The following SCN11A variants were observed in gnomAD, a reference collection of about 807,000 sequenced individuals.
SCN11A encodes sodium voltage-gated channel alpha subunit 11.
A neutral mutation model predicts 162.2 loss-of-function variants in SCN11A; 122 were observed. That is an observed-to-expected ratio of 0.75 (90% CI 0.65 to 0.87). SCN11A has a LOEUF of 0.87. Ranked by LOEUF, SCN11A falls within the 40% of genes least tolerant of loss-of-function variation. The pLI is 0.00. For missense variants in SCN11A, 2,015 were observed against 2,181.6 expected, an observed-to-expected ratio of 0.92 and a Z score of 1.52; for synonymous variants, 758 against 751.5, an observed-to-expected ratio of 1.01 and a Z score of -0.14.
intron 26 of SCN11A, among the ~76,000 whole-genome samples, chr3:38,869,410 T>C (rs543628333): frequency 8.5e-5 from 13 of 152,094 alleles, no homozygotes; most frequent in South Asian, 2.1e-4. Flanking sequence ...TTATGTTGTA[T>C]ATATAATTAT....
At chr3:39,021,613 C>T (rs1423244436) in intron 2 of SCN11A, among the ~76,000 whole-genome samples, 1 of 152,022 alleles carries the variant, frequency 6.6e-6, no homozygotes, top group African/African-American at 2.4e-5. Context: ...GAATCTTAAC[C>T]GAAGTTTGGT....
At chr3:39,012,558 G>A (rs1441733922) in intron 2 of SCN11A, among the ~76,000 whole-genome samples, 2 of 144,538 alleles carry the variant, frequency 1.4e-5, no homozygotes, top group African/African-American at 5.2e-5. Flanking sequence ...TTGGCTCACT[G>A]AAGGCTCCAC....
At chr3:38,916,671 T>G (rs1346545387) in intron 11 of SCN11A, among the ~76,000 whole-genome samples, 1 of 152,106 alleles carries the variant, frequency 6.6e-6, no homozygotes, top group Non-Finnish European at 1.5e-5. Flanking sequence ...GCTGGGCTTC[T>G]TGTCAATCCC....
chr3:38,906,687 G>T (rs1433366901), intron 14 of SCN11A, among the ~76,000 whole-genome samples: 1 of 152,074 alleles, frequency 6.6e-6, no homozygotes, highest in East Asian at 1.9e-4. Context: ...CCTCTTAACT[G>T]GTCGCCTCCA....
At chr3:39,042,906 G>A (rs1042876306) in intron 1 of SCN11A, among the ~76,000 whole-genome samples, 19 of 132,256 alleles carry the variant, frequency 1.4e-4, no homozygotes, top group Non-Finnish European at 2.6e-4. Context: ...GCAGTGAGCC[G>A]AGATCATGCC....
In SCN11A at chr3:38,921,196, T is replaced by A; in HGVS notation, c.772A>T (p.Ile258Phe). The change falls in exon 10 of 30, where the codon ATC (isoleucine) becomes TTC (phenylalanine). Residue 258 changes from isoleucine (I) to phenylalanine (F), a missense_variant. By Grantham distance (21) the Ile-to-Phe change is conservative. Coordinates refer to ENST00000302328, the MANE Select transcript of SCN11A (RefSeq NM_001349253.2). Reference sequence around the variant, plus strand: ...ATGCTGAGGCAAAAGAAGGTGAGGATAATCACGTTGACCAGCTTCTTCACA... The same window carrying A: ...ATGCTGAGGCAAAAGAAGGTGAGGAAAATCACGTTGACCAGCTTCTTCACA... ...RSVKKLVNVI[I>F]LTFFCLSIFA... The A allele has an allele frequency of 6.2e-7, 1 of 1,614,084 alleles. No individual in the cohort carries two copies. Among genetic ancestry groups the A allele is most frequent in the East Asian group, 2.2e-5 (1 of 44,882 alleles).
At chr3:38,946,538 C>T (rs573270149) in intron 6 of SCN11A, among the ~76,000 whole-genome samples, 1 of 152,362 alleles carries the variant, frequency 6.6e-6, no homozygotes, top group Non-Finnish European at 1.5e-5. Context: ...CCTGCTACCA[C>T]TTTCACACGA....
intron 7 of SCN11A, among the ~76,000 whole-genome samples, chr3:38,936,698 A>G (rs1481497714): frequency 6.6e-6 from 1 of 152,114 alleles, no homozygotes; most frequent in Admixed American, 6.6e-5. Context: ...AGAACTACAA[A>G]CCGCTGCTCA....
intron 29 of SCN11A, among the ~76,000 whole-genome samples, chr3:38,848,510 G>A (rs1306384584): frequency 6.6e-6 from 1 of 152,094 alleles, no homozygotes; most frequent in Non-Finnish European, 1.5e-5. Flanking sequence ...GTCACCTAAT[G>A]ACTAAAGAGA....
In SCN11A at chr3:38,846,987, C is replaced by T. The variant is rs1413143057; in HGVS notation, c.5083G>A (p.Gly1695Ser). ...ILFAFTARVL[G>S]GSDGLDSMKA... ...ATACTATCTAGGCCATCAGAGCCAC[C>T]GAGTACCCTAGCGGTGAAGGCGAAA... is the stretch of plus-strand genomic sequence containing the variant. Residue 1695 changes from glycine to serine, a missense_variant, in exon 30 of 30, where the codon GGT (glycine) becomes AGT (serine). Coordinates refer to ENST00000302328, the MANE Select transcript of SCN11A (RefSeq NM_001349253.2). 9 of 1,614,120 alleles carry T rather than the reference C, an allele frequency of 5.6e-6. 1 individual carries two copies. Among genetic ancestry groups the T allele is most frequent in the South Asian group, 3.3e-5 (3 of 91,074 alleles).
intron 29 of SCN11A, among the ~76,000 whole-genome samples, chr3:38,848,027 C>G (rs1348288915): frequency 1.3e-5 from 2 of 152,178 alleles, no homozygotes; most frequent in Non-Finnish European, 2.9e-5. Context: ...GAAAGAGCCA[C>G]AATGTCTGTA....
chr3:38,942,027 AACAAAGAGCTT>A (rs954909462), intron 7 of SCN11A, among the ~76,000 whole-genome samples: 2 of 152,170 alleles, frequency 1.3e-5, no homozygotes, highest in African/African-American at 4.8e-5. Context: ...ATACCATGCA[AACAAAGAGCTT>A]AAGAAAGCTG....
intron 15 of SCN11A, among the ~76,000 whole-genome samples, chr3:38,904,592 C>T (rs1292686819): frequency 2.0e-5 from 3 of 152,164 alleles, no homozygotes; most frequent in South Asian, 2.1e-4. Context: ...TCCCTGGCAC[C>T]GCTGCAGGGA....
At chr3:39,013,774 G>T (rs2031211226) in intron 2 of SCN11A, among the ~76,000 whole-genome samples, 2 of 152,188 alleles carry the variant, frequency 1.3e-5, no homozygotes, top group Admixed American at 6.5e-5. Flanking sequence ...CTGTCATGTT[G>T]TCCACATCAA....
intron 2 of SCN11A, among the ~76,000 whole-genome samples, chr3:38,980,593 T>A (rs1366090676): frequency 6.6e-6 from 1 of 152,192 alleles, no homozygotes; most frequent in Non-Finnish European, 1.5e-5. Flanking sequence ...AGGAAAGATA[T>A]GTGAAGAGGT....
chr3:39,051,090 T>A (rs1298275217), intron 1 of SCN11A, among the ~76,000 whole-genome samples: 1 of 152,070 alleles, frequency 6.6e-6, no homozygotes, highest in Non-Finnish European at 1.5e-5. Context: ...GGTGTACCGT[T>A]TTCGCCTTCC....
chr3:39,048,106 G>A (rs1439476400), intron 1 of SCN11A, among the ~76,000 whole-genome samples: 2 of 152,186 alleles, frequency 1.3e-5, no homozygotes, highest in Non-Finnish European at 2.9e-5. Flanking sequence ...CCAAGATACG[G>A]AGTTAACCTA....
Position 38,984,711 on chromosome 3 carries a change from A to G in SCN11A, c.-279-24288T>C, listed in dbSNP as rs1395591893. Among the ~76,000 whole-genome samples, 3 of 152,134 alleles carry G rather than the reference A, an allele frequency of 2.0e-5. No individual in the cohort carries two copies. The East Asian group carries it at 5.8e-4, about 29-fold the overall frequency. On this transcript the variant is annotated intron_variant, in intron 2 of 29. Transcript: ENST00000302328. The stretch of plus-strand genomic sequence containing the variant: ...TTTTTAGTAGAGACGGGGTTTCACC[A>G]TGTTGGCCAGGCTGGTCTCAAACTC...
chr3:38,959,771 T>C (rs900607795), intron 3 of SCN11A, among the ~76,000 whole-genome samples: 2 of 152,192 alleles, frequency 1.3e-5, no homozygotes, highest in African/African-American at 4.8e-5. Context: ...ATAGATCCCA[T>C]AAGAAAATCA....
Sources: gnomAD v4.1 joint callset for allele counts (sites outside exome capture counted in the v4.1 genomes callset) on GRCh38, gnomAD v4.1.1 for gene constraint, MANE v1.5 for transcripts, NCBI Gene and HGNC (gene_info 2026-07-23, HGNC 2026-07-21) for gene names.